Variants in PDCD11 observed in about 807,000 individuals in gnomAD.
PDCD11 encodes protein RRP5 homolog.
In PDCD11, 97 loss-of-function variants were observed where a neutral mutation model predicts 198.9. The observed-to-expected ratio is 0.49, with a 90% confidence interval of 0.41 to 0.58. PDCD11 has a LOEUF of 0.58. PDCD11 is among the 20% of genes least tolerant of loss of function. The pLI, the probability that PDCD11 is intolerant of heterozygous loss-of-function variation, is 0.00. For missense variants in PDCD11, 2,102 were observed against 2,312.7 expected, an observed-to-expected ratio of 0.91 and a Z score of 1.87; for synonymous variants, 893 against 918.0, an observed-to-expected ratio of 0.97 and a Z score of 0.49.
At position 103,445,444 on chromosome 10, in the gene PDCD11, C is replaced by T. The variant is rs772634434; in HGVS notation, c.5511C>T (p.Arg1837=). The T allele has an allele frequency of 1.2e-6, 2 of 1,614,184 alleles. No individual in the cohort carries two copies. The highest frequency in any genetic ancestry group is 2.2e-5 in the South Asian group (2 of 91,082). The change falls in exon 36 of 36, where the codon CGC becomes CGT. Residue 1837 remains arginine (R), a synonymous_variant. Coordinates refer to ENST00000369797, the MANE Select transcript of PDCD11 (RefSeq NM_014976.2). The part of the protein sequence containing the change: ...APKRMKFFFK[R]YLDYEKQHGT... ...AGAGAATGAAGTTCTTCTTCAAGCG[C>T]TACCTGGACTACGAGAAGCAGCATG...
At position 103,418,517 on chromosome 10, in the gene PDCD11, C is replaced by A. The variant is rs1282423592; in HGVS notation, c.1989C>A (p.Phe663Leu). ...TCCTGCCCCACAACATCCGTGCTTT[C>A]CTCCCCACATCTCATCTGTCGGACC... ...VAVLPHNIRA[F>L]LPTSHLSDHV... is the part of the protein sequence containing the mutation. The change falls in exon 15 of 36, where the codon TTC becomes TTA. Residue 663 changes from phenylalanine to leucine, a missense_variant. Coordinates refer to ENST00000369797, the MANE Select transcript of PDCD11 (RefSeq NM_014976.2). 1 of 1,614,074 alleles carries A rather than the reference C, an allele frequency of 6.2e-7. No homozygotes were observed. The highest frequency in any genetic ancestry group is 8.5e-7 in the Non-Finnish European group (1 of 1,180,036).
intron 35 of PDCD11, 150 bp downstream of exon 35, chr10:103,444,832 C>T (rs2032532975): frequency 1.4e-6 from 1 of 718,732 alleles, no homozygotes; most frequent in Non-Finnish European, 2.3e-6. Flanking sequence ...TTCACTTCAA[C>T]TCCTCTTTCT....
rs1428146685 is a variant in PDCD11 at position 103,425,304 on chromosome 10, A to G, written c.3084A>G (p.Ile1028Met). 1.2e-6 allele frequency: 2 copies of G among 1,613,998 alleles called. No homozygotes were observed. Among genetic ancestry groups the G allele is most frequent in the Non-Finnish European group, 1.7e-6 (2 of 1,180,028 alleles). The change falls in exon 20 of 36, where the codon ATA (isoleucine) becomes ATG (methionine). Residue 1028 changes from isoleucine (I) to methionine (M), a missense_variant. By Grantham distance (10) the Ile-to-Met change is conservative (BLOSUM62 1). Coordinates refer to ENST00000369797, the MANE Select transcript of PDCD11 (RefSeq NM_014976.2). ...EVDPALTVGT[I>M]KKHTLSIGDM... ...ATCCAGCTCTGACTGTAGGGACCAT[A>G]AAGAAGCACACCCTCTCCATCGGGG...
At chr10:103,439,943 T>A in intron 28 of PDCD11, 75 bp downstream of exon 28, 1 of 1,558,058 alleles carries the variant, frequency 6.4e-7, no homozygotes. Flanking sequence ...GGGAGGAGAT[T>A]TCAGGGTGAA....
chr10:103,407,158 A>T (rs2030507177), intron 7 of PDCD11, among the ~76,000 whole-genome samples: 1 of 152,198 alleles, frequency 6.6e-6, no homozygotes, highest in African/African-American at 2.4e-5. Flanking sequence ...TAACTCTTTT[A>T]GCTTATCTTT....
intron 17 of PDCD11, 50 bp from the exon 18 acceptor site, chr10:103,422,938 T>C (rs2031518403): frequency 1.4e-6 from 2 of 1,403,024 alleles, no homozygotes; most frequent in African/African-American, 2.9e-5. Flanking sequence ...AAAAGAACAG[T>C]GAGAGTTCTT....
chr10:103,414,389 G>A (rs1164872135), intron 11 of PDCD11, 59 bp downstream of exon 11: 3 of 1,251,364 alleles, frequency 2.4e-6, no homozygotes, highest in Non-Finnish European at 3.5e-6. Flanking sequence ...TTTAGTTCAC[G>A]CACAGGTGAC....
chr10:103,417,314 G>A (rs2031165763), intron 13 of PDCD11, among the ~76,000 whole-genome samples: 1 of 152,210 alleles, frequency 6.6e-6, no homozygotes, highest in African/African-American at 2.4e-5. Context: ...TGGGACTACA[G>A]GCATGTGCCG....
chr10:103,421,257 C>A, intron 16 of PDCD11, 91 bp from the exon 17 acceptor site: 1 of 973,470 alleles, frequency 1.0e-6, no homozygotes. Context: ...CCCATTTCCC[C>A]CTACTCACGT....
intron 29 of PDCD11, 45 bp from the exon 30 acceptor site, chr10:103,440,689 G>A: frequency 6.2e-7 from 1 of 1,613,668 alleles, no homozygotes; most frequent in South Asian, 1.1e-5. Flanking sequence ...GTCGCCTGGG[G>A]CTGCAGGAGG....
In PDCD11 at chr10:103,444,038, C is replaced by G. The variant is rs751892098; in HGVS notation, c.5248C>G (p.Arg1750Gly). The G allele has an allele frequency of 6.2e-7, 1 of 1,612,354 alleles. No homozygotes were observed. The highest frequency in any genetic ancestry group is 1.1e-5 in the South Asian group (1 of 91,000). ...QAAASHRVLQRALECLPSKEH... is the reference protein window; with the variant it reads ...QAAASHRVLQGALECLPSKEH... ...TGCAGCCAGTCACCGCGTGCTGCAGCGAGCCCTGGAGTGCCTGCCTAGCAA... is the reference window on the plus strand; with the variant it reads ...TGCAGCCAGTCACCGCGTGCTGCAGGGAGCCCTGGAGTGCCTGCCTAGCAA... Residue 1750 changes from arginine (R) to glycine (G), a missense_variant, in exon 34 of 36, where the codon CGA becomes GGA. Physicochemically the swap from Arg to Gly is moderately radical, Grantham distance 125 (BLOSUM62 -2). Transcript: ENST00000369797.
chr10:103,399,432 ACTC>A (rs1254970376), intron 2 of PDCD11, among the ~76,000 whole-genome samples: 1 of 151,648 alleles, frequency 6.6e-6, no homozygotes, highest in Non-Finnish European at 1.5e-5. Context: ...CTGGACTTAA[ACTC>A]CTGGGCTCAG....
chr10:103,423,396 G>C, intron 18 of PDCD11, 147 bp from the exon 19 acceptor site: 1 of 676,404 alleles, frequency 1.5e-6, no homozygotes, highest in Non-Finnish European at 2.5e-6. Flanking sequence ...GTAGACCCTT[G>C]ATTTCCCTAA....
chr10:103,438,110 C>T lies in PDCD11; in HGVS notation c.3902+39C>T, dbSNP rs780683953. ...TTGTTGGAAAAAGAAAGGAGGAAGA[C>T]CCACTCAGGATCAAGGGGAGGCTAC... is the stretch of plus-strand genomic sequence containing the variant. On this transcript the variant is annotated intron_variant, in intron 26 of 35. Coordinates refer to ENST00000369797, the MANE Select transcript of PDCD11 (RefSeq NM_014976.2). 1.9e-6 allele frequency: 3 copies of T among 1,567,414 alleles called. No individual in the cohort carries two copies. In the African/African-American group the frequency reaches 4.1e-5, roughly 21 times the overall value.
rs1276687741 is a variant in PDCD11 at position 103,421,898 on chromosome 10, C to T, written c.2497+331C>T. On this transcript the variant is annotated intron_variant, in intron 17 of 35. Coordinates refer to ENST00000369797, the MANE Select transcript of PDCD11 (RefSeq NM_014976.2). Reference sequence around the variant, plus strand: ...AGGAGAATGGCGTGAACCCGGGAAGCGGAGCTTGCAGTGAGCCGAGATTGC... The same window carrying T: ...AGGAGAATGGCGTGAACCCGGGAAGTGGAGCTTGCAGTGAGCCGAGATTGC... Among the ~76,000 whole-genome samples the T allele has an allele frequency of 1.2e-4, 16 of 138,924 alleles. No homozygotes were observed. In the Admixed American group the frequency reaches 1.2e-3, roughly 10 times the overall value. The allele number at this position is 138,924 out of a possible 152,430, so 91.1% of individuals were successfully genotyped here.
At position 103,419,953 on chromosome 10, in the gene PDCD11, CT is replaced by C. The variant is rs35847749; in HGVS notation, c.2277+265del. 1.5e-3 allele frequency among the ~76,000 whole-genome samples: 146 copies of C among 97,368 alleles called. 1 individual carries two copies. Among genetic ancestry groups the C allele is most frequent in the Middle Eastern group, 6.3e-3 (1 of 158 alleles). 63.9% of individuals were successfully genotyped at this position (97,368 alleles called of 152,430 possible). A position where few individuals can be genotyped will look rare whatever the true frequency, so the allele number is the denominator to read the frequency against. On this transcript the variant is annotated intron_variant, in intron 16 of 35. Transcript: ENST00000369797. ...TACAGGTGCCCACCAACATGCCAGG[CT>C]TTTTTTTTTTTTTTTTTTTGAGTAG...
intron 21 of PDCD11, 41 bp from the exon 22 acceptor site, chr10:103,432,088 C>A (rs750124512): frequency 2.0e-6 from 3 of 1,466,606 alleles, no homozygotes; most frequent in Non-Finnish European, 1.9e-6. Context: ...AAGTCTTATC[C>A]AGAGATGGGT....
chr10:103,436,030 CT>C (rs912238769), intron 25 of PDCD11, among the ~76,000 whole-genome samples: 3,886 of 137,210 alleles, frequency 0.028, 168 homozygotes, highest in Admixed American at 0.12. Context: ...TTGTTTTTTT[CT>C]TTTTTTTTTT....
intron 8 of PDCD11, among the ~76,000 whole-genome samples, chr10:103,410,392 T>G (rs144749423): frequency 2.6e-3 from 394 of 152,252 alleles, no homozygotes; most frequent in African/African-American, 7.8e-3. Flanking sequence ...GGTAGTAGTA[T>G]TTTTGTTTTT....
Sources: gnomAD v4.1 joint callset for allele counts (sites outside exome capture counted in the v4.1 genomes callset) on GRCh38, gnomAD v4.1.1 for gene constraint, MANE v1.5 for transcripts, NCBI Gene and HGNC (gene_info 2026-07-23, HGNC 2026-07-21) for gene names.